CIB4: variants seen among roughly 807,000 people sequenced by gnomAD.
CIB4 encodes calcium and integrin-binding family member 4.
Under a neutral mutation model 25.8 loss-of-function variants are expected in CIB4, and 25 were observed. That is an observed-to-expected ratio of 0.97 (90% CI 0.71 to 1.35). The LOEUF (loss-of-function observed/expected upper bound fraction) is 1.35. CIB4 is among the 40% of genes most tolerant of loss of function. CIB4 has a pLI of 0.00. For missense variants in CIB4, 235 were observed against 228.2 expected, an observed-to-expected ratio of 1.03 and a Z score of -0.19; for synonymous variants, 75 against 81.4, an observed-to-expected ratio of 0.92 and a Z score of 0.42.
intron 2 of CIB4, among the ~76,000 whole-genome samples, chr2:26,631,740 T>C (rs1669423759): frequency 6.6e-6 from 1 of 152,154 alleles, no homozygotes; most frequent in South Asian, 2.1e-4. Context: ...CTACTGACAG[T>C]GTTCCCACCT....
At chr2:26,631,917 C>T (rs2148225345) in intron 2 of CIB4, among the ~76,000 whole-genome samples, 2 of 152,344 alleles carry the variant, frequency 1.3e-5, no homozygotes. Context: ...CAGCTATCAC[C>T]TCAGGCCTGG....
chr2:26,587,117 T>C (rs560491806), intron 4 of CIB4, among the ~76,000 whole-genome samples: 10 of 151,894 alleles, frequency 6.6e-5, no homozygotes, highest in Non-Finnish European at 1.3e-4. Context: ...CCATCCTGGC[T>C]AACACAGTGA....
chr2:26,620,490 C>A (rs950418166), intron 3 of CIB4, among the ~76,000 whole-genome samples: 1 of 152,138 alleles, frequency 6.6e-6, no homozygotes, highest in Non-Finnish European at 1.5e-5. Flanking sequence ...CCACGGGGGA[C>A]GTCAGACATG....
chr2:26,604,950 G>A (rs958713318), intron 3 of CIB4, among the ~76,000 whole-genome samples: 9 of 152,044 alleles, frequency 5.9e-5, no homozygotes, highest in Non-Finnish European at 7.4e-5. Flanking sequence ...TACAGAACAC[G>A]CCACCCCACA....
chr2:26,619,721 C>T (rs56118911), intron 3 of CIB4, among the ~76,000 whole-genome samples: 14,514 of 151,832 alleles, frequency 0.096, 870 homozygotes, highest in Admixed American at 0.22. Context: ...AAGCCCACAG[C>T]GGGGAAGGTG....
chr2:26,594,435 A>G (rs1403600199), intron 4 of CIB4, among the ~76,000 whole-genome samples: 2 of 152,226 alleles, frequency 1.3e-5, no homozygotes, highest in East Asian at 1.9e-4. Flanking sequence ...AATGAGATGG[A>G]GTCCACCATG....
chr2:26,602,168 A>G (rs1200407553), intron 3 of CIB4, among the ~76,000 whole-genome samples: 1 of 152,260 alleles, frequency 6.6e-6, no homozygotes, highest in Non-Finnish European at 1.5e-5. Flanking sequence ...GATGGAATAC[A>G]GGTCATGGCA....
At chr2:26,603,532 AT>A (rs1266418786) in intron 3 of CIB4, among the ~76,000 whole-genome samples, 2 of 152,238 alleles carry the variant, frequency 1.3e-5, no homozygotes, top group Non-Finnish European at 2.9e-5. Flanking sequence ...GGACTTGAAA[AT>A]ATCAATGATT....
intron 4 of CIB4, among the ~76,000 whole-genome samples, chr2:26,593,564 C>T (rs1291462011): frequency 6.6e-6 from 1 of 152,132 alleles, no homozygotes; most frequent in Non-Finnish European, 1.5e-5. Context: ...CTAATTCCAA[C>T]ATCTAGGTCA....
At chr2:26,631,912 A>C (rs1012969522) in intron 2 of CIB4, among the ~76,000 whole-genome samples, 2 of 152,170 alleles carry the variant, frequency 1.3e-5, no homozygotes, top group Non-Finnish European at 2.9e-5. Context: ...GCTCTCAGCT[A>C]TCACCTCAGG....
intron 3 of CIB4, among the ~76,000 whole-genome samples, chr2:26,601,820 G>T (rs1360271128): frequency 6.6e-6 from 1 of 152,138 alleles, no homozygotes; most frequent in Non-Finnish European, 1.5e-5. Context: ...CAATAAAAAT[G>T]AAGAACCATT....
At chr2:26,606,782 G>A (rs1668898211) in intron 3 of CIB4, among the ~76,000 whole-genome samples, 1 of 152,172 alleles carries the variant, frequency 6.6e-6, no homozygotes, top group Admixed American at 6.5e-5. Context: ...GATAGCCCCT[G>A]TGTTTGAGAT....
chr2:26,614,064 T>C (rs1388852886), intron 3 of CIB4, among the ~76,000 whole-genome samples: 2 of 152,150 alleles, frequency 1.3e-5, no homozygotes, highest in Non-Finnish European at 1.5e-5. Flanking sequence ...TCAAAAACCC[T>C]GGGAACAGAG....
intron 3 of CIB4, among the ~76,000 whole-genome samples, chr2:26,607,435 A>G (rs973920438): frequency 6.6e-6 from 1 of 152,228 alleles, no homozygotes; most frequent in Non-Finnish European, 1.5e-5. Flanking sequence ...ATAAATATCT[A>G]TCCACGTTTG....
chr2:26,595,403 G>C, intron 3 of CIB4, 86 bp from the exon 4 acceptor site: 1 of 1,432,670 alleles, frequency 7.0e-7, no homozygotes, highest in East Asian at 2.3e-5. Context: ...TACAAACACT[G>C]TGTCCTGGGT....
chr2:26,601,232 AT>A (rs1362712383), intron 3 of CIB4, among the ~76,000 whole-genome samples: 2,673 of 45,086 alleles, frequency 0.059, 220 homozygotes, highest in African/African-American at 0.16. Context: ...AAAAAAAAAA[AT>A]ATATATATAT....
chr2:26,597,369 T>C (rs531871379), intron 3 of CIB4, among the ~76,000 whole-genome samples: 1 of 152,224 alleles, frequency 6.6e-6, no homozygotes, highest in East Asian at 1.9e-4. Context: ...AGTGCCGTGA[T>C]TTAAGACATA....
intron 3 of CIB4, 55 bp downstream of exon 3, chr2:26,629,355 C>A: frequency 6.1e-6 from 7 of 1,153,048 alleles, no homozygotes; most frequent in Non-Finnish European, 8.9e-6. Flanking sequence ...ACCCATCAGC[C>A]CATCAGCAGG....
At chr2:26,634,630 A>G (rs766939786) in intron 2 of CIB4, among the ~76,000 whole-genome samples, 6 of 152,218 alleles carry the variant, frequency 3.9e-5, no homozygotes, top group Admixed American at 1.3e-4. Context: ...CCGTGTTTGC[A>G]CAGCTACTAA....
Sources: gnomAD v4.1 joint callset for allele counts (sites outside exome capture counted in the v4.1 genomes callset) on GRCh38, gnomAD v4.1.1 for gene constraint, MANE v1.5 for transcripts, NCBI Gene and HGNC (gene_info 2026-07-23, HGNC 2026-07-21) for gene names.